FUT8: variants seen among roughly 807,000 people sequenced by gnomAD.
FUT8 encodes fucosyltransferase 8.
In FUT8, 29 loss-of-function variants were observed where a neutral mutation model predicts 71.3. That is an observed-to-expected ratio of 0.41 (90% CI 0.30 to 0.55). FUT8 has a LOEUF of 0.55. Ranked by LOEUF, FUT8 falls within the 20% of genes least tolerant of loss-of-function variation. The pLI is 0.34. For missense variants in FUT8, 544 were observed against 702.1 expected (o/e 0.77, Z 2.55); for synonymous variants, 254 against 239.3 (o/e 1.06, Z -0.57).
intron 10 of FUT8, among the ~76,000 whole-genome samples, chr14:65,740,848 G>T (rs1896464130): frequency 6.6e-6 from 1 of 151,938 alleles, no homozygotes; most frequent in Non-Finnish European, 1.5e-5. Context: ...ATTTGGGCAG[G>T]TAACACAAAT....
rs538997516 is a variant in FUT8 at position 65,513,761 on chromosome 14, A to G, written c.-227-47576A>G. 2.6e-4 allele frequency among the ~76,000 whole-genome samples: 39 copies of G among 152,360 alleles called. No homozygotes were observed. The South Asian group carries it at 6.4e-3, about 25-fold the overall frequency. On this transcript the variant is annotated intron_variant, in intron 2 of 10. Transcript: ENST00000673929. Reference sequence around the variant, plus strand: ...ATTTTCAGAGTAACAATCTGCAGATAAGGGAAAGTAACCTCTGGTGGAACT... The same window carrying G: ...ATTTTCAGAGTAACAATCTGCAGATGAGGGAAAGTAACCTCTGGTGGAACT...
At chr14:65,611,193 ACACACGCGCGCGCGCGCGCG>A (rs1295557541) in intron 3 of FUT8, among the ~76,000 whole-genome samples, 11 of 3,424 alleles carry the variant, frequency 3.2e-3, no homozygotes, top group African/African-American at 5.9e-3. Flanking sequence ...ATACACACAC[ACACACGCGCGCGCGCGCGCG>A]CGCGCGCGCG....
At chr14:65,589,367 A>G (rs1887556571) in intron 3 of FUT8, among the ~76,000 whole-genome samples, 2 of 151,864 alleles carry the variant, frequency 1.3e-5, no homozygotes, top group African/African-American at 2.4e-5. Flanking sequence ...AGAATTCTAT[A>G]GAGAACACCA....
intron 1 of FUT8, among the ~76,000 whole-genome samples, chr14:65,421,226 A>G (rs1266255076): frequency 1.3e-5 from 2 of 150,814 alleles, no homozygotes; most frequent in Non-Finnish European, 2.9e-5. Context: ...ATCATAAGGA[A>G]GAGAGAATAT....
chr14:65,657,943 C>CA (rs150145539), intron 6 of FUT8, among the ~76,000 whole-genome samples: 20,963 of 151,662 alleles, frequency 0.14, 1,944 homozygotes, highest in South Asian at 0.28. Flanking sequence ...ACTATGTACT[C>CA]AAAAAAATTA....
At chr14:65,441,254 A>G (rs1472799499) in intron 1 of FUT8, among the ~76,000 whole-genome samples, 1 of 152,198 alleles carries the variant, frequency 6.6e-6, no homozygotes, top group Non-Finnish European at 1.5e-5. Flanking sequence ...TGGAGTTAGA[A>G]GAGATTAGGG....
intron 7 of FUT8, among the ~76,000 whole-genome samples, chr14:65,672,250 C>T (rs1566887581): frequency 6.6e-6 from 1 of 152,152 alleles, no homozygotes; most frequent in Non-Finnish European, 1.5e-5. Context: ...CCTGTACATG[C>T]CATGTCTATT....
chr14:65,555,881 A>G (rs1317103041), intron 2 of FUT8, among the ~76,000 whole-genome samples: 1 of 152,202 alleles, frequency 6.6e-6, no homozygotes, highest in Non-Finnish European at 1.5e-5. Flanking sequence ...GTATTAGTAT[A>G]AAACCAATAA....
rs983311111 is a variant in FUT8, at chr14:65,638,037, G to A, written c.597+8431G>A. Among the ~76,000 whole-genome samples, 3 of 152,192 alleles carry A rather than the reference G, an allele frequency of 2.0e-5. No homozygotes were observed. The highest frequency in any genetic ancestry group is 2.1e-4 in the South Asian group (1 of 4,836). Reference sequence around the variant, plus strand: ...AGCTTGGTCAAGTTAACAACATTTAGGTTGATTTATTGCACCTGCGCCTAA... The same window carrying A: ...AGCTTGGTCAAGTTAACAACATTTAAGTTGATTTATTGCACCTGCGCCTAA... On this transcript the variant is annotated intron_variant, in intron 6 of 10. Coordinates refer to ENST00000673929, the MANE Select transcript of FUT8 (RefSeq NM_001371533.1). This position sits in a 1 kb window ranked among gnomAD's most constrained non-coding sequence, Gnocchi z 4.5.
At chr14:65,668,609 G>A (rs1221884121) in intron 6 of FUT8, among the ~76,000 whole-genome samples, 1 of 152,114 alleles carries the variant, frequency 6.6e-6, no homozygotes, top group Non-Finnish European at 1.5e-5. Context: ...TTCAACCATT[G>A]GAAAGTGGTT....
intron 2 of FUT8, among the ~76,000 whole-genome samples, chr14:65,560,674 T>A (rs540737653): frequency 1.3e-5 from 2 of 152,316 alleles, no homozygotes; most frequent in South Asian, 4.1e-4. Context: ...AGACGTTTGT[T>A]GCAATTGTTG....
the FUT8 span, among the ~76,000 whole-genome samples, chr14:65,391,342 C>T: frequency 1.4e-4 from 22 of 152,204 alleles, no homozygotes; most frequent in South Asian, 2.9e-3. Flanking sequence ...TACACCCACC[C>T]AGTGGAGATG....
chr14:65,632,532 T>C (rs1249601622), intron 6 of FUT8, among the ~76,000 whole-genome samples: 4 of 152,198 alleles, frequency 2.6e-5, no homozygotes, highest in Admixed American at 2.0e-4. Flanking sequence ...CTTTTGAGAA[T>C]TGTCTATTCA....
At chr14:65,647,747 C>G (rs1050383886) in intron 6 of FUT8, among the ~76,000 whole-genome samples, 1 of 151,980 alleles carries the variant, frequency 6.6e-6, no homozygotes, top group Non-Finnish European at 1.5e-5. Flanking sequence ...TAAATGTTGT[C>G]AGGAAAATTT....
chr14:65,412,553 C>G (rs1034685993), upstream of FUT8: 5 of 351,452 alleles, frequency 1.4e-5, 1 homozygote, highest in South Asian at 4.2e-5. Flanking sequence ...CTGTGCCGTC[C>G]CGCTGTGGCC....
At chr14:65,461,251 T>G (rs2065964804) in intron 2 of FUT8, among the ~76,000 whole-genome samples, 1 of 152,236 alleles carries the variant, frequency 6.6e-6, no homozygotes, top group Non-Finnish European at 1.5e-5. Context: ...TACCTCAGTA[T>G]TCACATGACA....
At chr14:65,633,499 G>A (rs1275770919) in intron 6 of FUT8, among the ~76,000 whole-genome samples, 46 of 150,706 alleles carry the variant, frequency 3.1e-4, no homozygotes, top group Admixed American at 9.3e-4. Context: ...AGTGAGGAGC[G>A]TCTCTGCCCA....
chr14:65,491,122 AAGTAC>A (rs1199310681), intron 2 of FUT8, among the ~76,000 whole-genome samples: 1 of 152,144 alleles, frequency 6.6e-6, no homozygotes, highest in African/African-American at 2.4e-5. Flanking sequence ...TCTTACCTCA[AAGTAC>A]AGTGGGTAGA....
At chr14:65,682,761 A>G (rs1893097303) in intron 7 of FUT8, among the ~76,000 whole-genome samples, 1 of 152,190 alleles carries the variant, frequency 6.6e-6, no homozygotes, top group South Asian at 2.1e-4. Flanking sequence ...AGAGTGCATC[A>G]AAACATCTGC....
Sources: allele counts gnomAD v4.1 joint callset (sites outside exome capture counted in the v4.1 genomes callset), GRCh38; gene constraint gnomAD v4.1.1; non-coding constraint Gnocchi (gnomAD v3.1); transcripts MANE v1.5; gene names NCBI Gene and HGNC (gene_info 2026-07-23, HGNC 2026-07-21).